The following ABCA10 variants were observed in gnomAD, a reference collection of about 807,000 sequenced individuals.
The protein encoded by ABCA10 is ATP-binding cassette sub-family A member 10.
A neutral mutation model predicts 187.5 loss-of-function variants in ABCA10; 169 were observed. The ratio of observed to expected loss-of-function variants is 0.90; its 90% confidence interval spans 0.80 to 1.02. ABCA10 has a LOEUF of 1.02. Among genes scored for constraint, ABCA10 ranks in the 50% least tolerant of loss-of-function variants. The pLI, the probability that ABCA10 is intolerant of heterozygous loss-of-function variation, is 0.00. For missense variants in ABCA10, 1,727 were observed against 1,812.4 expected (o/e 0.95, Z 0.86); for synonymous variants, 574 against 601.8 (o/e 0.95, Z 0.68).
chr17:69,173,882 G>C (rs2074314369), intron 25 of ABCA10, among the ~76,000 whole-genome samples: 1 of 151,986 alleles, frequency 6.6e-6, no homozygotes, highest in Admixed American at 6.6e-5. Context: ...TGTTTTTTAA[G>C]GAAGGAGAAT....
intron 9 of ABCA10, among the ~76,000 whole-genome samples, chr17:69,208,417 C>CAAAAAAAAA (rs67858017): frequency 3.2e-4 from 29 of 89,406 alleles, no homozygotes; most frequent in African/African-American, 1.3e-3. Flanking sequence ...GACTCTGTCT[C>CAAAAAAAAA]AAAAAAAAAA....
intron 27 of ABCA10, among the ~76,000 whole-genome samples, chr17:69,161,519 T>C (rs532588657): frequency 5.9e-5 from 9 of 152,262 alleles, no homozygotes; most frequent in Middle Eastern, 3.4e-3. Context: ...TGAAGTATAA[T>C]GTGGTGGGAT....
chr17:69,208,533 A>T (rs1035431686), intron 9 of ABCA10, among the ~76,000 whole-genome samples: 1 of 152,116 alleles, frequency 6.6e-6, no homozygotes, highest in Non-Finnish European at 1.5e-5. Context: ...TAACTTTGGC[A>T]ATATACAACT....
chr17:69,227,389 T>C (rs2074803072), intron 1 of ABCA10, 104 bp from the exon 2 acceptor site: 2 of 152,064 alleles, frequency 1.3e-5, no homozygotes, highest in African/African-American at 2.4e-5. Flanking sequence ...TATGACACTG[T>C]AGCAACATAT....
chr17:69,180,198 C>T (rs1247550690), intron 22 of ABCA10, among the ~76,000 whole-genome samples: 1 of 152,094 alleles, frequency 6.6e-6, no homozygotes, highest in Non-Finnish European at 1.5e-5. Context: ...GCTTGCAGTT[C>T]CCATCTTGCA....
At chr17:69,180,868 T>A (rs114026234) in intron 22 of ABCA10, among the ~76,000 whole-genome samples, 125 of 152,294 alleles carry the variant, frequency 8.2e-4, no homozygotes, top group African/African-American at 2.9e-3. Flanking sequence ...CTTGCTAACA[T>A]CCACATGATT....
chr17:69,192,845 A>G (rs544737300), intron 15 of ABCA10, among the ~76,000 whole-genome samples, 192 bp from the exon 16 acceptor site: 83 of 152,226 alleles, frequency 5.5e-4, no homozygotes, highest in Non-Finnish European at 8.1e-4. Flanking sequence ...AATTCACTGC[A>G]TTCCCCATAG....
In ABCA10 at chr17:69,164,116, T is replaced by A; in HGVS notation, c.3321A>T (p.Arg1107Ser). 2 of 1,591,962 alleles carry A rather than the reference T, an allele frequency of 1.3e-6. No individual in the cohort carries two copies. The highest frequency in any genetic ancestry group is 2.3e-5 in the South Asian group (2 of 86,122). The change falls in exon 27 of 39, where the codon AGA (arginine) becomes AGT (serine). Residue 1107 changes from arginine (R) to serine (S), a missense_variant. By Grantham distance (110) the Arg-to-Ser change is moderately radical. Transcript: ENST00000690296. ...GAATGGTTTTATTGACTTCATTTAT[T>A]CTATTGTCCAGACTGTCCAAGTTTC... ...FMRNLDSLDN[R>S]INEVNKTILL...
intron 22 of ABCA10, among the ~76,000 whole-genome samples, chr17:69,181,136 C>T (rs1682303152): frequency 6.6e-6 from 1 of 152,082 alleles, no homozygotes; most frequent in Admixed American, 6.6e-5. Flanking sequence ...TATACATATA[C>T]ATATGTGGGT....
chr17:69,214,039 T>C (rs1202381342), intron 9 of ABCA10, among the ~76,000 whole-genome samples: 1 of 152,210 alleles, frequency 6.6e-6, no homozygotes, highest in African/African-American at 2.4e-5. Context: ...AACCAATTAA[T>C]GAACTATTTT....
Position 69,174,327 on chromosome 17 carries a change from C to A in ABCA10, c.3116G>T (p.Arg1039Leu), listed in dbSNP as rs762850142. The A allele has an allele frequency of 2.4e-5, 39 of 1,608,886 alleles. No homozygotes were observed. Among genetic ancestry groups the A allele is most frequent in the South Asian group, 1.8e-4 (16 of 89,852 alleles). Residue 1039 changes from arginine (R) to leucine (L), a missense_variant, in exon 25 of 39, where the codon CGC becomes CTC. Transcript: ENST00000690296. ...FLTYVLSFIFRKWRKNNGFWS... is the reference protein window; with the variant it reads ...FLTYVLSFIFLKWRKNNGFWS... ...AAAGCCATTATTTTTTCTCCACTTGCGAAAGATGAATGAAAGCACATATGT... is the reference window on the plus strand; with the variant it reads ...AAAGCCATTATTTTTTCTCCACTTGAGAAAGATGAATGAAAGCACATATGT...
intron 19 of ABCA10, among the ~76,000 whole-genome samples, chr17:69,187,113 AAC>A (rs1450071621): frequency 2.0e-5 from 3 of 152,138 alleles, no homozygotes; most frequent in African/African-American, 4.8e-5. Flanking sequence ...AAAAAAAAGA[AAC>A]AATTTGCTGA....
At chr17:69,157,138 C>T (rs565512590) in intron 27 of ABCA10, among the ~76,000 whole-genome samples, 1 of 151,874 alleles carries the variant, frequency 6.6e-6, no homozygotes, top group South Asian at 2.1e-4. Flanking sequence ...ATTAAAAAGC[C>T]CACATTAATT....
chr17:69,225,455 A>G lies in ABCA10; in HGVS notation c.-97T>C. ...TTCCCAGGACTTTAGGAGGTTGTTC[A>G]GGAAAACGGGTAGCTCTGAAGTGTT... On this transcript the variant is annotated 5_prime_UTR_variant, in exon 3 of 39. The change abolishes the stop of an existing upstream ORF in the 5' untranslated region. Coordinates refer to ENST00000690296, the MANE Select transcript of ABCA10 (RefSeq NM_001377321.1). 7.7e-7 allele frequency: 1 copy of G among 1,301,716 alleles called. No homozygotes were observed. The highest frequency in any genetic ancestry group is 1.5e-5 in the African/African-American group (1 of 67,830). 80.6% of individuals were successfully genotyped at this position (1,301,716 alleles called of 1,614,324 possible). A position where few individuals can be genotyped will look rare whatever the true frequency, so the allele number is the denominator to read the frequency against.
intron 9 of ABCA10, among the ~76,000 whole-genome samples, chr17:69,211,334 T>TC (rs1448044990): frequency 4.5e-5 from 6 of 132,712 alleles, no homozygotes; most frequent in South Asian, 2.4e-4. Context: ...TATATATATA[T>TC]ATATATATAT....
Position 69,192,644 on chromosome 17 carries a change from A to G in ABCA10, c.1790T>C (p.Val597Ala), listed in dbSNP as rs2074469442. Residue 597 changes from valine (V) to alanine (A), a missense_variant, in exon 16 of 39, where the codon GTA (valine) becomes GCA (alanine). Coordinates refer to ENST00000690296, the MANE Select transcript of ABCA10 (RefSeq NM_001377321.1). ...DEADILADRK[V>A]FLSNGKLKCA... ...TTTCAACTTCCCATTAGACAGAAAT[A>G]CTTTCCTATCTGAGTAGAAAGGAAG... 1 of 1,612,656 alleles carries G rather than the reference A, an allele frequency of 6.2e-7. No individual in the cohort carries two copies. Among genetic ancestry groups the G allele is most frequent in the East Asian group, 2.2e-5 (1 of 44,820 alleles).
At chr17:69,221,439 C>A (rs1213047264) in intron 5 of ABCA10, among the ~76,000 whole-genome samples, 1 of 152,044 alleles carries the variant, frequency 6.6e-6, no homozygotes, top group South Asian at 2.1e-4. Flanking sequence ...ATTTTAAATC[C>A]TGAAGAGAAG....
chr17:69,153,980 T>C lies in ABCA10; in HGVS notation c.3816A>G (p.Val1272=), dbSNP rs200172999. The change falls in exon 32 of 39, where the codon GTA becomes GTG. Residue 1272 remains valine (V), a synonymous_variant. Transcript: ENST00000690296. ...TGAGGCTGTTGTCATGCTGTTGCCT[T>C]ACTGATGCTCTGCTGCCTTGTAACA... is the stretch of plus-strand genomic sequence containing the variant. ...VVVLQGSRAS[V]RQQHDNSLKF... is the part of the protein sequence containing the mutation. 5.2e-5 allele frequency: 84 copies of C among 1,613,966 alleles called. No individual in the cohort carries two copies. In the East Asian group the frequency reaches 1.8e-3, roughly 34 times the overall value.
chr17:69,243,962 G>A (rs928426379), intron 1 of ABCA10, among the ~76,000 whole-genome samples: 2 of 152,040 alleles, frequency 1.3e-5, no homozygotes, highest in Non-Finnish European at 2.9e-5. Flanking sequence ...AATTTAAAAC[G>A]GTAATTTAAT....
Sources: gnomAD v4.1 joint callset for allele counts (sites outside exome capture counted in the v4.1 genomes callset) on GRCh38, gnomAD v4.1.1 for gene constraint, MANE v1.5 for transcripts, NCBI Gene and HGNC (gene_info 2026-07-23, HGNC 2026-07-21) for gene names.